The following KATNIP variants were observed in gnomAD, a reference collection of about 807,000 sequenced individuals.
The protein encoded by KATNIP is katanin interacting protein, also known as katanin-interacting protein.
Under a neutral mutation model 174.0 loss-of-function variants are expected in KATNIP, and 126 were observed. The ratio of observed to expected loss-of-function variants is 0.72; its 90% confidence interval spans 0.63 to 0.84. The LOEUF (loss-of-function observed/expected upper bound fraction) is 0.84, where lower values mean the gene tolerates loss of function less well. KATNIP is among the 40% of genes least tolerant of loss of function. The pLI is 0.00. For synonymous variants in KATNIP, 810 were observed against 835.7 expected (o/e 0.97, Z 0.53); for missense variants, 1,958 against 2,109.7 (o/e 0.93, Z 1.41).
intron 14 of KATNIP, among the ~76,000 whole-genome samples, chr16:27,739,519 T>C (rs545182657): frequency 6.6e-6 from 1 of 152,320 alleles, no homozygotes; most frequent in South Asian, 2.1e-4. Flanking sequence ...GCCTCTGCTT[T>C]TACGGTCTCC....
At chr16:27,588,930 G>A (rs961573111) in intron 2 of KATNIP, among the ~76,000 whole-genome samples, 2 of 143,944 alleles carry the variant, frequency 1.4e-5, no homozygotes, top group African/African-American at 5.2e-5. Context: ...TGCCCAGGCT[G>A]GAGTGCAGTG....
intron 14 of KATNIP, among the ~76,000 whole-genome samples, chr16:27,738,410 GCA>G (rs1176307482): frequency 6.6e-6 from 1 of 152,152 alleles, no homozygotes; most frequent in African/African-American, 2.4e-5. Context: ...CGTTAAATAT[GCA>G]CAGTTTATTG....
intron 23 of KATNIP, among the ~76,000 whole-genome samples, chr16:27,774,539 A>AGGCTC (rs1198655942): frequency 1.3e-5 from 2 of 152,036 alleles, no homozygotes; most frequent in African/African-American, 4.8e-5. Flanking sequence ...CCAGGAAGAG[A>AGGCTC]GGCTCGGCAT....
Position 27,723,010 on chromosome 16 carries a change from T to G in KATNIP, c.1743+1315T>G, listed in dbSNP as rs62029143. Among the ~76,000 whole-genome samples the G allele has an allele frequency of 9.3e-3, 1,417 of 152,236 alleles. 28 individuals are homozygous for G. Among genetic ancestry groups the G allele is most frequent in the African/African-American group, 0.031 (1,285 of 41,536 alleles). The stretch of plus-strand genomic sequence containing the variant: ...GCTGGGAGAGATCAGGGAAGGTTCT[T>G]GAAGGAACACACACCTAAGCTGTGA... On this transcript the variant is annotated intron_variant, in intron 14 of 27. Transcript: ENST00000261588.
chr16:27,560,675 C>A (rs1440067367), intron 1 of KATNIP, among the ~76,000 whole-genome samples: 3 of 152,194 alleles, frequency 2.0e-5, no homozygotes, highest in African/African-American at 2.4e-5. Flanking sequence ...ATTGCAGTGA[C>A]CAGCACCACC....
chr16:27,739,776 C>T (rs974404947), intron 14 of KATNIP, among the ~76,000 whole-genome samples: 2 of 152,228 alleles, frequency 1.3e-5, no homozygotes, highest in South Asian at 2.1e-4. Context: ...TAGGCTATTA[C>T]GAATGTCCCG....
chr16:27,561,727 A>G (rs7196511), intron 1 of KATNIP, among the ~76,000 whole-genome samples: 35 of 152,196 alleles, frequency 2.3e-4, no homozygotes, highest in African/African-American at 8.4e-4. Flanking sequence ...TTTTCCCTGT[A>G]ACGAGTCCCA....
intron 6 of KATNIP, among the ~76,000 whole-genome samples, chr16:27,666,520 C>T (rs1372029132): frequency 6.6e-5 from 10 of 152,066 alleles, no homozygotes; most frequent in African/African-American, 1.7e-4. Context: ...CGGGTTCAAG[C>T]GATTCTCCTG....
At chr16:27,735,585 A>G (rs1398060222) in intron 14 of KATNIP, among the ~76,000 whole-genome samples, 1 of 152,174 alleles carries the variant, frequency 6.6e-6, no homozygotes, top group Non-Finnish European at 1.5e-5. Context: ...CCATCCATAT[A>G]AGCAGGTAAA....
Position 27,732,188 on chromosome 16 carries a change from C to T in KATNIP, c.1744-7853C>T, listed in dbSNP as rs549934902. Among the ~76,000 whole-genome samples, 11 of 152,316 alleles carry T rather than the reference C, an allele frequency of 7.2e-5. No individual in the cohort carries two copies. In the South Asian group the frequency reaches 2.3e-3, roughly 32 times the overall value. Reference sequence around the variant, plus strand: ...GTGTGAACTAATCAGATCCCATCCACGTTTGTCATCCTGAGTCTGTGATGC... The same window carrying T: ...GTGTGAACTAATCAGATCCCATCCATGTTTGTCATCCTGAGTCTGTGATGC... On this transcript the variant is annotated intron_variant, in intron 14 of 27. Transcript: ENST00000261588.
intron 2 of KATNIP, among the ~76,000 whole-genome samples, chr16:27,579,106 T>G (rs1039509644): frequency 6.6e-6 from 1 of 152,230 alleles, no homozygotes; most frequent in Non-Finnish European, 1.5e-5. Flanking sequence ...AAATTTATCA[T>G]GCAGTGTTGG....
chr16:27,701,845 A>G (rs1467563817), intron 11 of KATNIP, 150 bp downstream of exon 11: 2 of 613,332 alleles, frequency 3.3e-6, no homozygotes, highest in Non-Finnish European at 2.9e-6. Context: ...CCCAGGCTGG[A>G]GTGCAGTGGC....
intron 15 of KATNIP, among the ~76,000 whole-genome samples, chr16:27,748,880 C>T (rs975514239): frequency 1.3e-5 from 2 of 152,148 alleles, no homozygotes; most frequent in East Asian, 1.9e-4. Flanking sequence ...TTCCTGCTCC[C>T]CACCCAGAAA....
intron 5 of KATNIP, among the ~76,000 whole-genome samples, chr16:27,631,516 G>C (rs1415075866): frequency 1.3e-5 from 2 of 150,686 alleles, no homozygotes; most frequent in African/African-American, 4.9e-5. Context: ...CTGCACTCCA[G>C]CCTGGGCAAC....
chr16:27,776,766 G>A lies in KATNIP; in HGVS notation c.4450-162G>A. 1 of 626,590 alleles carries A rather than the reference G, an allele frequency of 1.6e-6. No homozygotes were observed. Among genetic ancestry groups the A allele is most frequent in the Non-Finnish European group, 2.9e-6 (1 of 347,770 alleles). 38.8% of individuals were successfully genotyped at this position (626,590 alleles called of 1,614,324 possible). ...GCCACACGTGACCTGACTCAAGATG[G>A]GCTTCGAGGAGATGAAAGGGGGCGG... On this transcript the variant is annotated intron_variant, in intron 24 of 27. Coordinates refer to ENST00000261588, the MANE Select transcript of KATNIP (RefSeq NM_015202.5). The surrounding 1 kb of genome is among the most constrained non-coding windows in gnomAD (Gnocchi z 4.7).
rs374679268 is a variant in KATNIP at position 27,628,750 on chromosome 16, A to G, written c.230A>G (p.Asn77Ser). 22 of 1,614,104 alleles carry G rather than the reference A, an allele frequency of 1.4e-5. No individual in the cohort carries two copies. Among genetic ancestry groups the G allele is most frequent in the East Asian group, 6.7e-5 (3 of 44,904 alleles). ...TTCTCTGTCTATGTCAACGGTGCCA[A>G]TTCGGAGCTGAAATCATCACCGCGG... Reference protein sequence around the residue: ...QGFSVYVNGANSELKSSPRKA... With the variant: ...QGFSVYVNGASSELKSSPRKA... Residue 77 changes from asparagine to serine, a missense_variant, in exon 4 of 28, where the codon AAT (asparagine) becomes AGT (serine). By Grantham distance (46) the Asn-to-Ser change is conservative. Coordinates refer to ENST00000261588, the MANE Select transcript of KATNIP (RefSeq NM_015202.5).
chr16:27,638,443 T>G (rs1050918940), intron 5 of KATNIP, among the ~76,000 whole-genome samples: 1 of 152,054 alleles, frequency 6.6e-6, no homozygotes, highest in Non-Finnish European at 1.5e-5. Context: ...GAGTCTTGGG[T>G]CCATGGGATG....
chr16:27,562,957 G>C (rs770707815), intron 1 of KATNIP, among the ~76,000 whole-genome samples: 2 of 152,146 alleles, frequency 1.3e-5, no homozygotes, highest in Non-Finnish European at 2.9e-5. Context: ...TGCAGAACAC[G>C]GTCATGCCTT....
rs200620856 is a variant in KATNIP, at chr16:27,777,838, G to C, written c.4713-43G>C. 1.8e-5 allele frequency: 29 copies of C among 1,613,410 alleles called. No individual in the cohort carries two copies. In the African/African-American group the frequency reaches 3.2e-4, roughly 18 times the overall value. On this transcript the variant is annotated intron_variant, in intron 26 of 27. Coordinates refer to ENST00000261588, the MANE Select transcript of KATNIP (RefSeq NM_015202.5). This position sits in a 1 kb window ranked among gnomAD's most constrained non-coding sequence, Gnocchi z 4.4. ...GGAGGATGGATGGCTGGGACACACG[G>C]CCAGGAGCCTGATCGAATCTTGTGT...
Sources: allele counts gnomAD v4.1 joint callset (sites outside exome capture counted in the v4.1 genomes callset), GRCh38; gene constraint gnomAD v4.1.1; non-coding constraint Gnocchi (gnomAD v3.1); transcripts MANE v1.5; gene names NCBI Gene and HGNC (gene_info 2026-07-23, HGNC 2026-07-21).